Variants in KCNB2 observed in about 807,000 individuals in gnomAD.
The protein encoded by KCNB2 is delayed rectifier potassium channel protein.
In KCNB2, 15 loss-of-function variants were observed where a neutral mutation model predicts 61.5. That is an observed-to-expected ratio of 0.24 (90% confidence interval 0.16 to 0.38). The LOEUF is 0.38. Ranked by LOEUF, KCNB2 falls within the 10% of genes least tolerant of loss-of-function variation. The pLI is 1.00. For missense variants in KCNB2, 828 were observed against 1,125.2 expected, an observed-to-expected ratio of 0.74 and a Z score of 3.78; for synonymous variants, 457 against 446.0, an observed-to-expected ratio of 1.02 and a Z score of -0.31.
chr8:72,845,784 TC>T (rs34092749), intron 2 of KCNB2, among the ~76,000 whole-genome samples: 129,621 of 151,936 alleles, frequency 0.85, 56,259 homozygotes, highest in Middle Eastern at 0.97. Flanking sequence ...CAGATGCCCC[TC>T]CCCCCCATCA....
chr8:72,920,685 T>C (rs1020380705), intron 2 of KCNB2, among the ~76,000 whole-genome samples: 3 of 151,576 alleles, frequency 2.0e-5, no homozygotes, highest in African/African-American at 7.3e-5. Flanking sequence ...AATGTAGCAC[T>C]AAAGACCAGG....
intron 2 of KCNB2, among the ~76,000 whole-genome samples, chr8:72,893,170 C>G (rs186694743): frequency 3.2e-4 from 48 of 151,152 alleles, no homozygotes; most frequent in African/African-American, 1.2e-3. Flanking sequence ...ATTTTGTTTG[C>G]TTTTGTGATA....
chr8:72,640,099 A>G (rs1376517936), intron 2 of KCNB2, among the ~76,000 whole-genome samples: 1 of 151,300 alleles, frequency 6.6e-6, no homozygotes, highest in Non-Finnish European at 1.5e-5. Context: ...GATTTGTGAT[A>G]AAGAGGCTTT....
intron 2 of KCNB2, among the ~76,000 whole-genome samples, chr8:72,840,418 A>G (rs1809861006): frequency 6.6e-6 from 1 of 152,238 alleles, no homozygotes; most frequent in African/African-American, 2.4e-5. Flanking sequence ...TCCTTCAGGT[A>G]TATACCCAGC....
rs183867896 is a variant in KCNB2 at position 72,734,510 on chromosome 8, G to A, written c.579+166197G>A. Among the ~76,000 whole-genome samples the A allele has an allele frequency of 2.5e-3, 374 of 152,278 alleles. 1 individual carries two copies. The highest frequency in any genetic ancestry group is 6.8e-3 in the African/African-American group (284 of 41,558). ...GAATTGTCTGAAATCTTCCCTACCT[G>A]TATTGACACACTGAAAAGGTATTTT... On this transcript the variant is annotated intron_variant, in intron 2 of 2. Coordinates refer to ENST00000523207, the MANE Select transcript of KCNB2 (RefSeq NM_004770.3).
intron 2 of KCNB2, among the ~76,000 whole-genome samples, chr8:72,673,728 T>C (rs973907305): frequency 6.6e-6 from 1 of 152,198 alleles, no homozygotes. Flanking sequence ...ACTTATATGA[T>C]GTACATAGAA....
chr8:72,759,209 G>GA (rs1335126875), intron 2 of KCNB2, among the ~76,000 whole-genome samples: 3 of 152,010 alleles, frequency 2.0e-5, no homozygotes, highest in Non-Finnish European at 4.4e-5. Context: ...TGTTTTAATA[G>GA]AAAAAAATTC....
chr8:72,888,188 G>C (rs997328643), intron 2 of KCNB2, among the ~76,000 whole-genome samples: 3 of 152,016 alleles, frequency 2.0e-5, no homozygotes, highest in Non-Finnish European at 4.4e-5. Flanking sequence ...CTGAAGCCTC[G>C]ACCTCCTGGC....
intron 2 of KCNB2, among the ~76,000 whole-genome samples, chr8:72,632,710 A>G (rs1805899629): frequency 6.6e-6 from 1 of 152,212 alleles, no homozygotes; most frequent in Non-Finnish European, 1.5e-5. Flanking sequence ...GCATTTAATT[A>G]GAAGTCAGAA....
At chr8:72,821,482 C>G (rs1053549535) in intron 2 of KCNB2, among the ~76,000 whole-genome samples, 1 of 151,986 alleles carries the variant, frequency 6.6e-6, no homozygotes, top group Admixed American at 6.6e-5. Flanking sequence ...TCCGTTTCCA[C>G]TATGAAGTAG....
intron 2 of KCNB2, among the ~76,000 whole-genome samples, chr8:72,691,166 G>C (rs183195904): frequency 3.3e-5 from 5 of 152,286 alleles, no homozygotes; most frequent in African/African-American, 1.2e-4. Flanking sequence ...CCCAGTGCCT[G>C]TCATTTTCTA....
chr8:72,626,749 C>T (rs1019704389), intron 2 of KCNB2, among the ~76,000 whole-genome samples: 3 of 152,196 alleles, frequency 2.0e-5, no homozygotes, highest in Non-Finnish European at 4.4e-5. Context: ...AACTGGTGCC[C>T]TTGACCACTA....
Position 72,567,834 on chromosome 8 carries a change from T to G in KCNB2, c.100T>G (p.Ser34Ala). 6.2e-7 allele frequency: 1 copy of G among 1,613,972 alleles called. No homozygotes were observed. Among genetic ancestry groups the G allele is most frequent in the African/African-American group, 1.3e-5 (1 of 75,000 alleles). Residue 34 changes from serine (S) to alanine (A), a missense_variant, in exon 2 of 3, where the codon TCC becomes GCC. Around this residue, in one of 4 missense-constraint regions of KCNB2, gnomAD observed 62 missense variants for 54.8 expected, o/e 1.13. Coordinates refer to ENST00000523207, the MANE Select transcript of KCNB2 (RefSeq NM_004770.3). Reference sequence around the variant, plus strand: ...GGACATTATCCGGAGCAAAACATGCTCCAGGAGAGTTAAGATCAATGTGGG... The same window carrying G: ...GGACATTATCCGGAGCAAAACATGCGCCAGGAGAGTTAAGATCAATGTGGG... ...PVDIIRSKTC[S>A]RRVKINVGGL...
At chr8:72,674,398 A>G (rs1389296176) in intron 2 of KCNB2, among the ~76,000 whole-genome samples, 1 of 152,230 alleles carries the variant, frequency 6.6e-6, no homozygotes, top group Non-Finnish European at 1.5e-5. Context: ...AAGATCAAGG[A>G]CATATCAAGG....
chr8:72,919,406 G>C (rs1431278841), intron 2 of KCNB2, among the ~76,000 whole-genome samples: 1 of 152,210 alleles, frequency 6.6e-6, no homozygotes, highest in Non-Finnish European at 1.5e-5. Context: ...ACTTTTGGGA[G>C]GGTGGGGGTA....
chr8:72,555,788 G>A (rs894660516), intron 1 of KCNB2, among the ~76,000 whole-genome samples: 4 of 151,478 alleles, frequency 2.6e-5, no homozygotes, highest in Non-Finnish European at 5.9e-5. Context: ...AAGTTTTAGG[G>A]TACATGTATG....
intron 2 of KCNB2, among the ~76,000 whole-genome samples, chr8:72,597,889 A>T (rs952899366): frequency 6.6e-6 from 1 of 152,246 alleles, no homozygotes; most frequent in African/African-American, 2.4e-5. Flanking sequence ...AGGAGTGTAA[A>T]TTAGTTCAAC....
At chr8:72,749,265 C>T (rs1808142282) in intron 2 of KCNB2, 1 of 152,058 alleles carries the variant, frequency 6.6e-6, no homozygotes, top group African/African-American at 2.4e-5. Flanking sequence ...ACTATAGGCA[C>T]ATGCCACCAT....
intron 2 of KCNB2, among the ~76,000 whole-genome samples, chr8:72,620,045 A>G (rs891256123): frequency 4.6e-5 from 7 of 152,252 alleles, no homozygotes; most frequent in South Asian, 4.1e-4. Flanking sequence ...TACTGATTGC[A>G]TGCTGCAATA....
Sources: gnomAD v4.1 joint callset for allele counts (sites outside exome capture counted in the v4.1 genomes callset) on GRCh38, gnomAD v4.1.1 for gene constraint, gnomAD v4.1.1 regional missense constraint, MANE v1.5 for transcripts, NCBI Gene and HGNC (gene_info 2026-07-23, HGNC 2026-07-21) for gene names.